The following GTF2IRD1 variants were observed in gnomAD, a reference collection of about 807,000 sequenced individuals.
GTF2IRD1 encodes the protein general transcription factor II-I repeat domain-containing protein 1.
GTF2IRD1 carries 26 observed loss-of-function variants against 113.2 expected under a neutral mutation model. The observed-to-expected ratio is 0.23, with a 90% CI of 0.17 to 0.32. The LOEUF is 0.32. Among genes scored for constraint, GTF2IRD1 ranks in the 10% least tolerant of loss-of-function variants. The pLI, the probability that GTF2IRD1 is intolerant of heterozygous loss-of-function variation, is 1.00. For synonymous variants in GTF2IRD1, 484 were observed against 529.1 expected, an observed-to-expected ratio of 0.91 and a Z score of 1.17; for missense variants, 864 against 1,280.8, an observed-to-expected ratio of 0.67 and a Z score of 4.97.
At chr7:74,508,029 G>A in intron 1 of GTF2IRD1, 46 bp from the exon 2 acceptor site, 1 of 1,570,716 alleles carries the variant, frequency 6.4e-7, no homozygotes, top group Non-Finnish European at 8.6e-7. Context: ...TATGAGACAA[G>A]CCCCCTGCCT....
chr7:74,595,418 A>AG (rs1802351865), intron 25 of GTF2IRD1, among the ~76,000 whole-genome samples: 1 of 151,772 alleles, frequency 6.6e-6, no homozygotes, highest in Admixed American at 6.6e-5. Context: ...AAAAAAGAAA[A>AG]AAAGAAAGAA....
intron 1 of GTF2IRD1, among the ~76,000 whole-genome samples, chr7:74,490,738 G>C (rs1795294165): frequency 6.6e-6 from 1 of 151,904 alleles, no homozygotes; most frequent in Non-Finnish European, 1.5e-5. Flanking sequence ...GCCCCAGCTG[G>C]TCCATAGGGC....
At chr7:74,596,188 G>A (rs1402447356) in intron 25 of GTF2IRD1, among the ~76,000 whole-genome samples, 4 of 152,086 alleles carry the variant, frequency 2.6e-5, no homozygotes, top group South Asian at 2.1e-4. Context: ...AGGGCCGGGC[G>A]CGGTGGCTCA....
At chr7:74,558,750 C>G (rs1554358103) in intron 20 of GTF2IRD1, 111 bp from the exon 21 acceptor site, 2 of 736,646 alleles carry the variant, frequency 2.7e-6, no homozygotes, top group Non-Finnish European at 4.5e-6. Context: ...TTTCTCGTAC[C>G]ATTCACTCTC....
At chr7:74,589,986 G>A in intron 23 of GTF2IRD1, 58 bp downstream of exon 23, 3 of 1,099,394 alleles carry the variant, frequency 2.7e-6, no homozygotes, top group Non-Finnish European at 2.7e-6. Flanking sequence ...GTGGTGGGGG[G>A]CCTCCCTCTG....
Position 74,555,411 on chromosome 7 carries a change from G to T in GTF2IRD1, c.1967-27G>T. 3 of 1,613,604 alleles carry T rather than the reference G, an allele frequency of 1.9e-6. No homozygotes were observed. Among genetic ancestry groups the T allele is most frequent in the African/African-American group, 2.7e-5 (2 of 75,046 alleles). ...GTCCCAGGAACTGCCTCCTCACTTG[G>T]CTTCTCTCCCCCTGCCCTGCCCCCA... On this transcript the variant is annotated intron_variant, in intron 18 of 26. Coordinates refer to ENST00000424337, the MANE Select transcript of GTF2IRD1 (RefSeq NM_005685.4). This position sits in a 1 kb window ranked among gnomAD's most constrained non-coding sequence, Gnocchi z 5.3.
At chr7:74,566,827 G>A (rs1199170801) in intron 22 of GTF2IRD1, among the ~76,000 whole-genome samples, 2 of 152,044 alleles carry the variant, frequency 1.3e-5, no homozygotes, top group African/African-American at 2.4e-5. Context: ...CGGAACCCAG[G>A]GCAGGCTCTA....
chr7:74,569,958 G>C (rs1287188542), intron 22 of GTF2IRD1, among the ~76,000 whole-genome samples: 1 of 152,290 alleles, frequency 6.6e-6, no homozygotes, highest in Middle Eastern at 3.4e-3. Context: ...GACCTGCCCG[G>C]GGCATCGGAG....
At chr7:74,579,008 G>A (rs1236109386) in intron 22 of GTF2IRD1, among the ~76,000 whole-genome samples, 1 of 151,730 alleles carries the variant, frequency 6.6e-6, no homozygotes. Flanking sequence ...AAAAGCAGAG[G>A]AGGAGAAGCA....
intron 1 of GTF2IRD1, among the ~76,000 whole-genome samples, chr7:74,483,736 A>G (rs1336112298): frequency 6.6e-6 from 1 of 151,748 alleles, no homozygotes; most frequent in African/African-American, 2.4e-5. Context: ...AAAAATTAGC[A>G]GGGAGCTACT....
intron 14 of GTF2IRD1, among the ~76,000 whole-genome samples, chr7:74,541,165 C>A (rs1432959636): frequency 2.6e-5 from 4 of 151,952 alleles, no homozygotes; most frequent in Admixed American, 2.6e-4. Flanking sequence ...CTGGGGTACA[C>A]ATCCTCGTGC....
rs1208128347 is a variant in GTF2IRD1, at chr7:74,555,907, G to T, written c.2023+413G>T. The stretch of plus-strand genomic sequence containing the variant: ...GAGGATCGCTTGAGGCTGGGAGCTC[G>T]AGACAAGCCTGGACAACATAGAACC... On this transcript the variant is annotated intron_variant, in intron 19 of 26. Coordinates refer to ENST00000424337, the MANE Select transcript of GTF2IRD1 (RefSeq NM_005685.4). This position sits in a 1 kb window ranked among gnomAD's most constrained non-coding sequence, Gnocchi z 5.3. 6.6e-6 allele frequency among the ~76,000 whole-genome samples: 1 copy of T among 152,146 alleles called. No individual in the cohort carries two copies. Among genetic ancestry groups the T allele is most frequent in the African/African-American group, 2.4e-5 (1 of 41,430 alleles).
At chr7:74,588,715 A>G (rs1801876844) in intron 22 of GTF2IRD1, among the ~76,000 whole-genome samples, 1 of 152,038 alleles carries the variant, frequency 6.6e-6, no homozygotes, top group Admixed American at 6.6e-5. Flanking sequence ...TATTTTTAGT[A>G]CAGACGGGGT....
intron 8 of GTF2IRD1, 103 bp from the exon 9 acceptor site, chr7:74,529,631 G>A: frequency 1.2e-6 from 1 of 869,286 alleles, no homozygotes; most frequent in Non-Finnish European, 1.8e-6. Context: ...CATGGCCAGA[G>A]TGGAGTGGGG....
At chr7:74,461,501 C>T (rs1232740733) in intron 1 of GTF2IRD1, among the ~76,000 whole-genome samples, 2 of 152,146 alleles carry the variant, frequency 1.3e-5, no homozygotes, top group South Asian at 2.1e-4. Context: ...CTTGCAGAGG[C>T]GTCAGGCCTG....
At chr7:74,518,748 T>C (rs1434551292) in intron 5 of GTF2IRD1, among the ~76,000 whole-genome samples, 2 of 151,892 alleles carry the variant, frequency 1.3e-5, no homozygotes, top group African/African-American at 4.8e-5. Flanking sequence ...ATTACCCAGG[T>C]GTGGTGGTGC....
chr7:74,479,681 T>C (rs1322453959), intron 1 of GTF2IRD1, among the ~76,000 whole-genome samples: 1 of 151,980 alleles, frequency 6.6e-6, no homozygotes, highest in Non-Finnish European at 1.5e-5. Context: ...CCTGGGCTTC[T>C]TCCATGCCAC....
At chr7:74,468,529 C>T (rs1387312376) in intron 1 of GTF2IRD1, among the ~76,000 whole-genome samples, 9 of 150,664 alleles carry the variant, frequency 6.0e-5, no homozygotes, top group African/African-American at 2.2e-4. Context: ...CGTGGTGGCA[C>T]GTGCCTGTAA....
intron 8 of GTF2IRD1, among the ~76,000 whole-genome samples, chr7:74,527,689 A>C (rs1797685455): frequency 6.6e-6 from 1 of 152,160 alleles, no homozygotes; most frequent in African/African-American, 2.4e-5. Context: ...TAAAAATACA[A>C]AAATTAGCTG....
Sources: gnomAD v4.1 joint callset for allele counts (sites outside exome capture counted in the v4.1 genomes callset) on GRCh38, gnomAD v4.1.1 for gene constraint, Gnocchi (gnomAD v3.1) non-coding constraint, MANE v1.5 for transcripts, NCBI Gene and HGNC (gene_info 2026-07-23, HGNC 2026-07-21) for gene names.